MTUS2: variants seen among roughly 807,000 people sequenced by gnomAD.
MTUS2 encodes microtubule-associated tumor suppressor candidate 2.
In MTUS2, 40 loss-of-function variants were observed where a neutral mutation model predicts 114.1. The ratio of observed to expected loss-of-function variants is 0.35; its 90% confidence interval spans 0.27 to 0.46. The LOEUF (loss-of-function observed/expected upper bound fraction) is 0.46. Ranked by LOEUF, MTUS2 falls within the 20% of genes least tolerant of loss-of-function variation. The pLI is 1.00. For synonymous variants in MTUS2, 688 were observed against 672.0 expected (o/e 1.02, Z -0.37); for missense variants, 1,679 against 1,705.4 (o/e 0.98, Z 0.27).
chr13:29,183,461 G>A (rs1894093369), intron 5 of MTUS2, among the ~76,000 whole-genome samples: 1 of 152,160 alleles, frequency 6.6e-6, no homozygotes, highest in Non-Finnish European at 1.5e-5. Context: ...CTTCTAAATG[G>A]AAATATCAAG....
chr13:29,273,157 A>G (rs189030843), intron 5 of MTUS2, among the ~76,000 whole-genome samples: 247 of 152,304 alleles, frequency 1.6e-3, no homozygotes, highest in Non-Finnish European at 3.1e-3. Flanking sequence ...CCATAACAGT[A>G]ATGTAGGACC....
chr13:29,048,251 A>G (rs1887727571), intron 4 of MTUS2, among the ~76,000 whole-genome samples: 2 of 152,084 alleles, frequency 1.3e-5, no homozygotes, highest in South Asian at 2.1e-4. Context: ...CTTACTTGAC[A>G]TGTTAAGTTA....
chr13:29,242,394 T>C (rs1332791090), intron 5 of MTUS2: 4 of 179,202 alleles, frequency 2.2e-5, no homozygotes, highest in African/African-American at 9.4e-5. Context: ...GCAGGTATCA[T>C]TCGTTCATTC....
intron 11 of MTUS2, among the ~76,000 whole-genome samples, chr13:29,488,910 A>C (rs549010713): frequency 6.6e-6 from 1 of 152,366 alleles, no homozygotes; most frequent in African/African-American, 2.4e-5. Context: ...ACACTTTCAC[A>C]TGCATTTACA....
intron 8 of MTUS2, among the ~76,000 whole-genome samples, chr13:29,417,251 A>C (rs1875736549): frequency 6.6e-6 from 1 of 152,176 alleles, no homozygotes; most frequent in Non-Finnish European, 1.5e-5. Context: ...GCTCTCATGC[A>C]AACTCCTTAC....
intron 8 of MTUS2, among the ~76,000 whole-genome samples, chr13:29,395,393 A>C (rs1056245848): frequency 4.6e-5 from 7 of 152,212 alleles, no homozygotes; most frequent in Admixed American, 2.6e-4. Flanking sequence ...TGGAGCACTC[A>C]GTGTTGGTGG....
At chr13:28,901,523 A>G (rs1380853776) in intron 2 of MTUS2, among the ~76,000 whole-genome samples, 1 of 152,104 alleles carries the variant, frequency 6.6e-6, no homozygotes, top group Admixed American at 6.5e-5. Context: ...ATCCTTTTTG[A>G]GTTAATTTTT....
intron 2 of MTUS2, among the ~76,000 whole-genome samples, chr13:28,934,963 G>GC (rs112354816): frequency 0.025 from 3,385 of 137,502 alleles, 132 homozygotes; most frequent in African/African-American, 0.086. Flanking sequence ...ACCCCTGCCA[G>GC]CCCTTTCCAC....
chr13:29,019,090 T>G (rs922708399), intron 2 of MTUS2, among the ~76,000 whole-genome samples: 2 of 152,252 alleles, frequency 1.3e-5, no homozygotes, highest in Non-Finnish European at 2.9e-5. Context: ...TTTCTTGTCT[T>G]TCTTCACTTT....
intron 9 of MTUS2, among the ~76,000 whole-genome samples, chr13:29,448,306 C>T (rs1207651376): frequency 1.3e-5 from 2 of 152,198 alleles, no homozygotes; most frequent in African/African-American, 2.4e-5. Flanking sequence ...ACCAATGATA[C>T]TTCCCCAGCA....
chr13:28,906,064 G>T (rs1401056741), intron 2 of MTUS2, among the ~76,000 whole-genome samples: 1 of 151,580 alleles, frequency 6.6e-6, no homozygotes. Context: ...AGTATTCTCT[G>T]ATGGTAGTTT....
intron 2 of MTUS2, among the ~76,000 whole-genome samples, chr13:28,913,813 A>T (rs1880592105): frequency 6.6e-6 from 1 of 151,974 alleles, no homozygotes; most frequent in African/African-American, 2.4e-5. Context: ...TGGTCTATTC[A>T]GGGATTCTGT....
intron 2 of MTUS2, among the ~76,000 whole-genome samples, chr13:29,020,492 A>C (rs572082851): frequency 6.6e-6 from 1 of 152,280 alleles, no homozygotes; most frequent in African/African-American, 2.4e-5. Flanking sequence ...TGGCAGGATG[A>C]GGGAGCTGGA....
intron 4 of MTUS2, among the ~76,000 whole-genome samples, chr13:29,097,119 C>G (rs1185944785): frequency 6.8e-6 from 1 of 148,128 alleles, no homozygotes; most frequent in Admixed American, 6.8e-5. Context: ...GAAACCCATC[C>G]TTTTGGCCAC....
intron 8 of MTUS2, among the ~76,000 whole-genome samples, chr13:29,396,008 A>G (rs1453496654): frequency 1.3e-5 from 2 of 152,232 alleles, no homozygotes; most frequent in Admixed American, 1.3e-4. Flanking sequence ...CATGAAACAA[A>G]TCACAGTTGT....
At chr13:29,269,041 C>T (rs1897778187) in intron 5 of MTUS2, among the ~76,000 whole-genome samples, 1 of 152,202 alleles carries the variant, frequency 6.6e-6, no homozygotes, top group African/African-American at 2.4e-5. Context: ...AGAATATGAG[C>T]TCCAGAATTG....
chr13:28,912,943 A>G (rs1466948963), intron 2 of MTUS2, among the ~76,000 whole-genome samples: 1 of 152,138 alleles, frequency 6.6e-6, no homozygotes, highest in Non-Finnish European at 1.5e-5. Context: ...TGACGAGTTA[A>G]TGGGTGCACA....
chr13:29,310,799 G>A (rs948761966), intron 6 of MTUS2, among the ~76,000 whole-genome samples: 1 of 152,160 alleles, frequency 6.6e-6, no homozygotes, highest in Non-Finnish European at 1.5e-5. Flanking sequence ...AGGAGAAATT[G>A]ACACAGCCAC....
At chr13:28,884,876 A>T (rs1469243881) in intron 2 of MTUS2, among the ~76,000 whole-genome samples, 1 of 152,218 alleles carries the variant, frequency 6.6e-6, no homozygotes, top group Non-Finnish European at 1.5e-5. Context: ...TTTTCCTGGT[A>T]TACAGGAAAC....
Sources: allele counts gnomAD v4.1 joint callset (sites outside exome capture counted in the v4.1 genomes callset), GRCh38; gene constraint gnomAD v4.1.1; transcripts MANE v1.5; gene names NCBI Gene and HGNC (gene_info 2026-07-23, HGNC 2026-07-21).